The following PDE3B variants were observed in gnomAD, a reference collection of about 807,000 sequenced individuals.
The protein encoded by PDE3B is cGMP-inhibited 3',5'-cyclic phosphodiesterase 3B.
Under a neutral mutation model 116.8 loss-of-function variants are expected in PDE3B, and 66 were observed. The ratio of observed to expected loss-of-function variants is 0.56; its 90% confidence interval spans 0.46 to 0.69. The LOEUF (loss-of-function observed/expected upper bound fraction) is 0.69, where lower values mean the gene tolerates loss of function less well. PDE3B is among the 30% of genes least tolerant of loss of function. The pLI is 0.00. For synonymous variants in PDE3B, 595 were observed against 533.6 expected, an observed-to-expected ratio of 1.12 and a Z score of -1.59; for missense variants, 1,384 against 1,368.1, an observed-to-expected ratio of 1.01 and a Z score of -0.18.
chr11:14,725,311 C>CTTTCT (rs1433413524), intron 1 of PDE3B, among the ~76,000 whole-genome samples: 1 of 66,926 alleles, frequency 1.5e-5, no homozygotes, highest in African/African-American at 3.2e-5. Flanking sequence ...CTTTCTTTCT[C>CTTTCT]TTTCTTTCTT....
intron 13 of PDE3B, among the ~76,000 whole-genome samples, chr11:14,860,583 T>C (rs782203524): frequency 5.3e-5 from 8 of 152,182 alleles, no homozygotes; most frequent in Non-Finnish European, 8.8e-5. Flanking sequence ...TTAATCCTCA[T>C]AGCAGCATGG....
chr11:14,716,215 C>T lies in PDE3B; in HGVS notation c.979-55722C>T, dbSNP rs1026208887. On this transcript the variant is annotated intron_variant, in intron 1 of 15. Coordinates refer to ENST00000282096, the MANE Select transcript of PDE3B (RefSeq NM_000922.4). The stretch of plus-strand genomic sequence containing the variant: ...CCGAATACTGCGCTTTTCAGACCAG[C>T]TTAAAAAACGGCGCACCACGAGACT... Among the ~76,000 whole-genome samples, 14 of 152,222 alleles carry T rather than the reference C, an allele frequency of 9.2e-5. 1 individual carries two copies. Among genetic ancestry groups the T allele is most frequent in the South Asian group, 4.1e-4 (2 of 4,834 alleles).
intron 12 of PDE3B, among the ~76,000 whole-genome samples, chr11:14,847,211 G>A (rs1847627511): frequency 6.6e-6 from 1 of 152,016 alleles, no homozygotes; most frequent in African/African-American, 2.4e-5. Flanking sequence ...CAACTACATG[G>A]AAACTGAACA....
intron 1 of PDE3B, among the ~76,000 whole-genome samples, chr11:14,679,927 T>A (rs1408578693): frequency 6.6e-6 from 1 of 151,926 alleles, no homozygotes; most frequent in East Asian, 1.9e-4. Context: ...CCTCCTTTGC[T>A]CCATCACTGT....
At chr11:14,880,095 C>A in the PDE3B span, 6 of 1,606,796 alleles carry the variant, frequency 3.7e-6, no homozygotes, top group Admixed American at 1.0e-4. Flanking sequence ...ATGAACCCTA[C>A]ATGTAAGGAT....
At chr11:14,890,723 TTC>T in the PDE3B span, among the ~76,000 whole-genome samples, 1 of 151,814 alleles carries the variant, frequency 6.6e-6, no homozygotes. Context: ...ATTTTTTGTA[TTC>T]TTTTAGTAGA....
chr11:14,858,973 C>A, intron 12 of PDE3B, 70 bp from the exon 13 acceptor site: 1 of 1,089,544 alleles, frequency 9.2e-7, no homozygotes, highest in Non-Finnish European at 1.4e-6. Flanking sequence ...ATACTTCCAA[C>A]CTGATATTAA....
chr11:14,772,216 A>G, intron 2 of PDE3B: 1 of 240,726 alleles, frequency 4.2e-6, no homozygotes, highest in Non-Finnish European at 7.9e-6. Flanking sequence ...AAATTTATAT[A>G]AATTGTTATG....
In PDE3B at chr11:14,644,731, G is replaced by T; in HGVS notation, c.656G>T (p.Cys219Phe). The T allele has an allele frequency of 6.4e-7, 1 of 1,566,034 alleles. No homozygotes were observed. Residue 219 changes from cysteine to phenylalanine, a missense_variant, in exon 1 of 16, where the codon TGC (cysteine) becomes TTC (phenylalanine). By Grantham distance (205) the Cys-to-Phe change is radical. Coordinates refer to ENST00000282096, the MANE Select transcript of PDE3B (RefSeq NM_000922.4). ...GCGCACCCGCTGCGGCTCCGGCACT[G>T]CGTTCTGGTGCTGCTCCTGGCCAGC... The part of the protein sequence containing the change: ...TLAHPLRLRH[C>F]VLVLLLASFV...
At chr11:14,677,138 T>G (rs1421725092) in intron 1 of PDE3B, among the ~76,000 whole-genome samples, 1 of 152,182 alleles carries the variant, frequency 6.6e-6, no homozygotes, top group Non-Finnish European at 1.5e-5. Context: ...TTAATTTTTT[T>G]TCTGATTTAA....
chr11:14,780,318 A>G (rs189423791), intron 2 of PDE3B, among the ~76,000 whole-genome samples: 45 of 152,336 alleles, frequency 3.0e-4, no homozygotes, highest in Admixed American at 9.1e-4. Flanking sequence ...AGCGAACCTA[A>G]TAGACATCTA....
Position 14,861,228 on chromosome 11 carries a change from C to T in PDE3B, c.2748C>T (p.Gly916=). The T allele has an allele frequency of 6.2e-7, 1 of 1,612,982 alleles. No individual in the cohort carries two copies. The highest frequency in any genetic ancestry group is 8.5e-7 in the Non-Finnish European group (1 of 1,179,188). ...NAKANDVNSN[G]IEWSNENDRL... The stretch of plus-strand genomic sequence containing the variant: ...AGGCAAATGATGTAAATAGTAATGG[C>T]ATAGAATGGAGTAATGAAAATGATC... Residue 916 remains glycine, a synonymous_variant, in exon 14 of 16, where the codon GGC becomes GGT. Transcript: ENST00000282096.
In PDE3B at chr11:14,795,065, A is replaced by G. The variant is rs1858510433; in HGVS notation, c.1415+5823A>G. On this transcript the variant is annotated intron_variant, in intron 4 of 15. Transcript: ENST00000282096. ...GACCCAGTCCTTTCTGGATTTTTAT[A>G]GGAGCTTCATTTTATAGGCATGATT... 2.6e-5 allele frequency among the ~76,000 whole-genome samples: 4 copies of G among 152,128 alleles called. No individual in the cohort carries two copies. In the South Asian group the frequency reaches 8.3e-4, roughly 31 times the overall value.
intron 1 of PDE3B, among the ~76,000 whole-genome samples, chr11:14,688,110 T>TC (rs1854930669): frequency 7.5e-6 from 1 of 134,010 alleles, no homozygotes; most frequent in Non-Finnish European, 1.6e-5. Context: ...TCTCTCTCTC[T>TC]CTTTCTCTCT....
chr11:14,704,444 C>A (rs1438302836), intron 1 of PDE3B, among the ~76,000 whole-genome samples: 2 of 151,590 alleles, frequency 1.3e-5, no homozygotes, highest in Non-Finnish European at 3.0e-5. Flanking sequence ...AAAAAGTTGG[C>A]AGCCTAAATT....
the PDE3B span, chr11:14,878,419 T>C: frequency 1.1e-6 from 1 of 940,154 alleles, no homozygotes; most frequent in Non-Finnish European, 1.6e-6. Context: ...GGAACTATGT[T>C]TATTAAAGGA....
chr11:14,797,907 T>C (rs978538973), intron 4 of PDE3B, among the ~76,000 whole-genome samples: 1 of 152,198 alleles, frequency 6.6e-6, no homozygotes, highest in African/African-American at 2.4e-5. Flanking sequence ...CTCCTCCTAA[T>C]TGAATACCGC....
chr11:14,847,101 C>A (rs1490202740), intron 12 of PDE3B, among the ~76,000 whole-genome samples: 1 of 152,154 alleles, frequency 6.6e-6, no homozygotes, highest in Non-Finnish European at 1.5e-5. Context: ...TAAAGCTCTC[C>A]TCAGCAAATG....
At chr11:14,847,106 C>A (rs1240535932) in intron 12 of PDE3B, among the ~76,000 whole-genome samples, 3 of 152,240 alleles carry the variant, frequency 2.0e-5, no homozygotes, top group African/African-American at 7.2e-5. Flanking sequence ...CTCTCCTCAG[C>A]AAATGTAAAA....
Sources: gnomAD v4.1 joint callset for allele counts (sites outside exome capture counted in the v4.1 genomes callset) on GRCh38, gnomAD v4.1.1 for gene constraint, MANE v1.5 for transcripts, NCBI Gene and HGNC (gene_info 2026-07-23, HGNC 2026-07-21) for gene names.